RBFOX1: variants seen among roughly 807,000 people sequenced by gnomAD.
The protein encoded by RBFOX1 is RNA binding protein fox-1 homolog 1.
Under a neutral mutation model 57.7 loss-of-function variants are expected in RBFOX1, and 8 were observed. That is an observed-to-expected ratio of 0.14 (90% CI 0.08 to 0.25). The LOEUF (loss-of-function observed/expected upper bound fraction) is 0.25. RBFOX1 is among the 10% of genes least tolerant of loss of function. RBFOX1 has a pLI of 1.00. For missense variants in RBFOX1, 611 were observed against 548.5 expected (o/e 1.11, Z -1.14); for synonymous variants, 326 against 222.4 (o/e 1.47, Z -4.15).
At chr16:6,510,854 T>TAA (rs957647339) in intron 2 of RBFOX1, among the ~76,000 whole-genome samples, 2 of 140,908 alleles carry the variant, frequency 1.4e-5, no homozygotes, top group East Asian at 2.0e-4. Context: ...GCTGCACCCT[T>TAA]AAAAAAAAAA....
intron 1 of RBFOX1, among the ~76,000 whole-genome samples, chr16:6,049,936 G>C (rs1596696660): frequency 6.9e-6 from 1 of 145,210 alleles, no homozygotes. Context: ...ATTTTACTCT[G>C]TTAAAAAAAA....
chr16:6,100,401 A>T (rs2096290892), intron 1 of RBFOX1, among the ~76,000 whole-genome samples: 1 of 152,132 alleles, frequency 6.6e-6, no homozygotes, highest in Admixed American at 6.5e-5. Context: ...TGACCGCGTG[A>T]TCCGCCCGCC....
chr16:6,302,449 G>A (rs147757000), intron 1 of RBFOX1, among the ~76,000 whole-genome samples: 55 of 152,140 alleles, frequency 3.6e-4, no homozygotes, highest in African/African-American at 1.2e-3. Context: ...GAATTCACTG[G>A]CTTTTTAAAA....
chr16:7,276,033 G>C (rs1039197133), intron 4 of RBFOX1, among the ~76,000 whole-genome samples: 4 of 152,186 alleles, frequency 2.6e-5, no homozygotes, highest in African/African-American at 9.7e-5. Context: ...AAACATGATA[G>C]AGATCATTTC....
chr16:6,977,975 G>C (rs922122328), intron 3 of RBFOX1, among the ~76,000 whole-genome samples: 5 of 143,308 alleles, frequency 3.5e-5, no homozygotes, highest in Non-Finnish European at 7.5e-5. Context: ...TCCCAATGTG[G>C]CTGAATGTGT....
chr16:6,713,499 A>G (rs185550483), intron 3 of RBFOX1, among the ~76,000 whole-genome samples: 76 of 152,142 alleles, frequency 5.0e-4, no homozygotes, highest in African/African-American at 1.8e-3. Flanking sequence ...GATGTTGAGG[A>G]GCATCCCTGG....
Position 7,383,080 on chromosome 16 carries a change from T to C in RBFOX1, c.28-135067T>C, listed in dbSNP as rs531425069. On this transcript the variant is annotated intron_variant, in intron 4 of 15. Coordinates refer to ENST00000550418, the MANE Select transcript of RBFOX1 (RefSeq NM_018723.4). ...TATCTAAAGAAAAAAAAATGCAATA[T>C]CCAGTTGATCTTAGATTCTGATTCT... 2.0e-5 allele frequency among the ~76,000 whole-genome samples: 3 copies of C among 152,134 alleles called. No homozygotes were observed. In the South Asian group the frequency reaches 6.2e-4, roughly 32 times the overall value.
Position 7,245,610 on chromosome 16 carries a change from C to G in RBFOX1, c.27+193512C>G, listed in dbSNP as rs148780132. On this transcript the variant is annotated intron_variant, in intron 4 of 15. Transcript: ENST00000550418. Reference sequence around the variant, plus strand: ...TTTATAACTTTTCTGAGAGGTTAAACTTTTGGAGAGCTAGAGAAAGAGCTA... The same window carrying G: ...TTTATAACTTTTCTGAGAGGTTAAAGTTTTGGAGAGCTAGAGAAAGAGCTA... Among the ~76,000 whole-genome samples, 130 of 152,246 alleles carry G rather than the reference C, an allele frequency of 8.5e-4. 3 individuals are homozygous for G. The East Asian group carries it at 0.024, about 28-fold the overall frequency.
chr16:6,046,957 GT>G (rs1402509658), intron 1 of RBFOX1, among the ~76,000 whole-genome samples: 2 of 152,196 alleles, frequency 1.3e-5, no homozygotes, highest in Non-Finnish European at 2.9e-5. Flanking sequence ...GTTAATGGAT[GT>G]TGGGGAAGAA....
chr16:7,330,590 T>A (rs2096676270), intron 4 of RBFOX1, among the ~76,000 whole-genome samples: 2 of 151,792 alleles, frequency 1.3e-5, no homozygotes, highest in South Asian at 4.2e-4. Context: ...CTCTGCAGTT[T>A]CCAGCTACCT....
chr16:7,492,820 C>T (rs749729164), intron 4 of RBFOX1, among the ~76,000 whole-genome samples: 10 of 152,180 alleles, frequency 6.6e-5, no homozygotes, highest in Non-Finnish European at 1.2e-4. Flanking sequence ...TCTGCTTCAC[C>T]TTCCACCGTG....
At chr16:7,083,520 C>T (rs1375152505) in intron 4 of RBFOX1, among the ~76,000 whole-genome samples, 1 of 152,076 alleles carries the variant, frequency 6.6e-6, no homozygotes, top group Non-Finnish European at 1.5e-5. Context: ...GAAGTATAGC[C>T]TGTGTACACC....
intron 3 of RBFOX1, among the ~76,000 whole-genome samples, chr16:7,043,747 T>C (rs572893993): frequency 1.3e-5 from 2 of 152,358 alleles, no homozygotes; most frequent in African/African-American, 4.8e-5. Context: ...TCTGTTTCTT[T>C]GGACTCCTAC....
chr16:5,785,222 C>A (rs867780904), intron 3 of RBFOX1, among the ~76,000 whole-genome samples: 2 of 152,200 alleles, frequency 1.3e-5, no homozygotes, highest in African/African-American at 4.8e-5. Flanking sequence ...TCAGTGAAGG[C>A]ACTACCTCAG....
intron 2 of RBFOX1, among the ~76,000 whole-genome samples, chr16:5,516,442 A>G (rs1386226511): frequency 6.6e-6 from 1 of 152,180 alleles, no homozygotes; most frequent in Non-Finnish European, 1.5e-5. Flanking sequence ...GATCTTGCAT[A>G]AGTTACTTGA....
chr16:6,903,010 T>C (rs185107650), intron 3 of RBFOX1, among the ~76,000 whole-genome samples: 26 of 152,300 alleles, frequency 1.7e-4, no homozygotes, highest in African/African-American at 6.0e-4. Flanking sequence ...GATTGATGTG[T>C]AACTTCAAAT....
intron 3 of RBFOX1, among the ~76,000 whole-genome samples, chr16:5,665,658 G>T (rs1477827227): frequency 2.0e-5 from 3 of 152,164 alleles, no homozygotes; most frequent in African/African-American, 7.2e-5. Flanking sequence ...AGTATTTAGT[G>T]GATGAATGAA....
intron 13 of RBFOX1, among the ~76,000 whole-genome samples, chr16:7,665,182 C>T (rs529226006): frequency 1.3e-5 from 2 of 152,170 alleles, no homozygotes; most frequent in Admixed American, 6.5e-5. Flanking sequence ...ATTAACCCCT[C>T]GATCAACTTC....
At position 6,511,340 on chromosome 16, in the gene RBFOX1, C is replaced by G. The variant is rs146474261; in HGVS notation, c.-63-143263C>G. Among the ~76,000 whole-genome samples, 421 of 152,234 alleles carry G rather than the reference C, an allele frequency of 2.8e-3. 2 individuals carry two copies. The highest frequency in any genetic ancestry group is 9.0e-3 in the African/African-American group (375 of 41,538). ...CAAATTGCCTAAAATCTCTTCTATGCTTTTTCTTAGTGTCTATCATGTAGC... is the reference window on the plus strand; with the variant it reads ...CAAATTGCCTAAAATCTCTTCTATGGTTTTTCTTAGTGTCTATCATGTAGC... On this transcript the variant is annotated intron_variant, in intron 2 of 15. Transcript: ENST00000550418.
Sources: allele counts gnomAD v4.1 joint callset (sites outside exome capture counted in the v4.1 genomes callset), GRCh38; gene constraint gnomAD v4.1.1; transcripts MANE v1.5; gene names NCBI Gene and HGNC (gene_info 2026-07-23, HGNC 2026-07-21).